Variants in FRK observed in about 807,000 individuals in gnomAD.
FRK encodes fyn related Src family tyrosine kinase.
Under a neutral mutation model 56.4 loss-of-function variants are expected in FRK, and 51 were observed. The observed-to-expected ratio is 0.90, with a 90% CI of 0.72 to 1.14. FRK has a LOEUF of 1.14. FRK is among the 50% of genes most tolerant of loss of function. The pLI is 0.00. For synonymous variants in FRK, 245 were observed against 217.9 expected (o/e 1.12, Z -1.10); for missense variants, 570 against 601.4 (o/e 0.95, Z 0.55).
At chr6:116,100,342 A>G in the FRK span, among the ~76,000 whole-genome samples, 1 of 152,266 alleles carries the variant, frequency 6.6e-6, no homozygotes, top group Non-Finnish European at 1.5e-5. Context: ...ACCAAGGAAT[A>G]TAAAGTTTTT....
chr6:115,942,739 A>G (rs1450992368), intron 7 of FRK, 114 bp from the exon 8 acceptor site: 3 of 943,194 alleles, frequency 3.2e-6, no homozygotes, highest in Non-Finnish European at 3.2e-6. Flanking sequence ...TTCTTTGGCA[A>G]AGATTTAAGG....
At position 116,060,084 on chromosome 6, in the gene FRK, A is replaced by G. The variant is rs1236568439; in HGVS notation, c.228T>C (p.His76=). The G allele has an allele frequency of 2.5e-6, 4 of 1,614,170 alleles. No individual in the cohort carries two copies. The highest frequency in any genetic ancestry group is 1.3e-5 in the African/African-American group (1 of 75,030). The change falls in exon 1 of 8, where the codon CAT becomes CAC. Residue 76 remains histidine, a synonymous_variant. Transcript: ENST00000606080. ...AGTGTCTGGCAAACCACCAGCCCTC[A>G]TGCAAAGTGTCCAGAACTTGAAGTT... ...GDKLQVLDTL[H]EGWWFARHLE...
the FRK span, among the ~76,000 whole-genome samples, chr6:116,083,462 G>A: frequency 3.9e-5 from 6 of 152,188 alleles, no homozygotes. Context: ...ATCAGAGGAG[G>A]GGGGAAGCAG....
chr6:116,094,427 C>T, the FRK span, among the ~76,000 whole-genome samples: 12 of 152,376 alleles, frequency 7.9e-5, no homozygotes, highest in African/African-American at 2.9e-4. Context: ...CATTACCATC[C>T]AAGGAATCCT....
chr6:116,089,337 A>G, the FRK span, among the ~76,000 whole-genome samples: 1 of 152,240 alleles, frequency 6.6e-6, no homozygotes, highest in African/African-American at 2.4e-5. Flanking sequence ...TAAAAGGAAG[A>G]TCTTCTAGAG....
intron 1 of FRK, among the ~76,000 whole-genome samples, chr6:116,057,020 T>TTAAACTAA (rs1777425324): frequency 6.6e-6 from 1 of 152,250 alleles, no homozygotes; most frequent in Admixed American, 6.5e-5. Context: ...AACTAAAGCC[T>TTAAACTAA]TAAACTAATT....
chr6:116,021,716 C>G (rs1353319030), intron 1 of FRK, among the ~76,000 whole-genome samples: 2 of 151,948 alleles, frequency 1.3e-5, no homozygotes, highest in Non-Finnish European at 2.9e-5. Flanking sequence ...TCTTAGCATG[C>G]CCTAATGCAA....
chr6:115,983,143 T>C (rs1001371443), intron 2 of FRK, among the ~76,000 whole-genome samples: 4 of 152,146 alleles, frequency 2.6e-5, no homozygotes, highest in Non-Finnish European at 5.9e-5. Context: ...AAGTGCTTTT[T>C]TATGTAATAT....
At chr6:115,967,507 CATAAAA>C (rs765890330) in intron 4 of FRK, 38 bp downstream of exon 4, 2 of 1,576,436 alleles carry the variant, frequency 1.3e-6, no homozygotes, top group Admixed American at 3.4e-5. Flanking sequence ...AAATTGAGCT[CATAAAA>C]ATCAACATAT....
intron 1 of FRK, among the ~76,000 whole-genome samples, chr6:116,023,850 T>G (rs1775972698): frequency 6.6e-6 from 1 of 152,176 alleles, no homozygotes; most frequent in South Asian, 2.1e-4. Context: ...AAATGTAAGC[T>G]TAAAATCTGT....
At chr6:116,011,096 A>C (rs1775452518) in intron 1 of FRK, among the ~76,000 whole-genome samples, 1 of 152,242 alleles carries the variant, frequency 6.6e-6, no homozygotes, top group Non-Finnish European at 1.5e-5. Context: ...GCCTTAAAAA[A>C]AAAAATTGCA....
intron 1 of FRK, 118 bp from the exon 2 acceptor site, chr6:116,004,116 T>C: frequency 1.2e-6 from 1 of 843,388 alleles, no homozygotes; most frequent in Non-Finnish European, 1.8e-6. Context: ...TTAGTAAAAC[T>C]ATTACAGGTA....
chr6:116,087,085 G>A, the FRK span, among the ~76,000 whole-genome samples: 1 of 152,210 alleles, frequency 6.6e-6, no homozygotes, highest in Non-Finnish European at 1.5e-5. Context: ...ATGAATGAAA[G>A]AAGCATTGCC....
the FRK span, chr6:116,100,708 C>T: frequency 2.9e-6 from 1 of 343,428 alleles, no homozygotes; most frequent in Non-Finnish European, 5.2e-6. Flanking sequence ...GACTACCTGA[C>T]TCCGGGCGGC....
chr6:115,956,466 T>C lies in FRK; in HGVS notation c.944A>G (p.Gln315Arg). 2 of 1,536,276 alleles carry C rather than the reference T, an allele frequency of 1.3e-6. No individual in the cohort carries two copies. Among genetic ancestry groups the C allele is most frequent in the Non-Finnish European group, 8.8e-7 (1 of 1,141,596 alleles). The change falls in exon 5 of 8, where the codon CAA (glutamine) becomes CGA (arginine). Residue 315 changes from glutamine (Q) to arginine (R), a missense_variant. Coordinates refer to ENST00000606080, the MANE Select transcript of FRK (RefSeq NM_002031.3). Reference sequence around the variant, plus strand: ...CTTTAGCTTACTTTGGAGATATTCTTGCAGACTTCCATGTCTCATCAACTC... The same window carrying C: ...CTTTAGCTTACTTTGGAGATATTCTCGCAGACTTCCATGTCTCATCAACTC... ...ITELMRHGSL[Q>R]EYLQNDTGSK... is the part of the protein sequence containing the mutation.
chr6:115,936,043 T>C lies in FRK; in HGVS notation c.*6371A>G, dbSNP rs111500627. On this transcript the variant is annotated 3_prime_UTR_variant, in exon 8 of 8. Coordinates refer to ENST00000606080, the MANE Select transcript of FRK (RefSeq NM_002031.3). ...GGTCCCTGACCCTCGTTTATCCTGA[T>C]TGGGAGATATCTCCCAGTAGGGGCC... 983 of 153,804 alleles carry C rather than the reference T, an allele frequency of 6.4e-3. 11 individuals carry two copies. The highest frequency in any genetic ancestry group is 0.022 in the African/African-American group (917 of 41,582). 9.5% of individuals were successfully genotyped at this position (153,804 alleles called of 1,614,324 possible).
At chr6:115,950,003 C>G (rs1400866861) in intron 5 of FRK, among the ~76,000 whole-genome samples, 1 of 152,162 alleles carries the variant, frequency 6.6e-6, no homozygotes, top group Non-Finnish European at 1.5e-5. Flanking sequence ...AATGGGACCC[C>G]TTCCTTACAC....
At position 115,966,617 on chromosome 6, in the gene FRK, A is replaced by G. The variant is rs188622020; in HGVS notation, c.799+934T>C. Among the ~76,000 whole-genome samples, 11 of 152,264 alleles carry G rather than the reference A, an allele frequency of 7.2e-5. No homozygotes were observed. The East Asian group carries it at 2.1e-3, about 29-fold the overall frequency. ...TCTAAGAATTCTGGGCTAGGTAAAT[A>G]ATGCAGGTCTCCCAGAAAACTACAA... is the stretch of plus-strand genomic sequence containing the variant. On this transcript the variant is annotated intron_variant, in intron 4 of 7. Transcript: ENST00000606080.
At chr6:116,067,914 C>T in the FRK span, among the ~76,000 whole-genome samples, 2 of 152,128 alleles carry the variant, frequency 1.3e-5, no homozygotes, top group African/African-American at 4.8e-5. Context: ...ATAAGCAGAC[C>T]GCAAACAATT....
Sources: gnomAD v4.1 joint callset for allele counts (sites outside exome capture counted in the v4.1 genomes callset) on GRCh38, gnomAD v4.1.1 for gene constraint, MANE v1.5 for transcripts, NCBI Gene and HGNC (gene_info 2026-07-23, HGNC 2026-07-21) for gene names.